TTC39B: variants seen among roughly 807,000 people sequenced by gnomAD.
TTC39B encodes the protein tetratricopeptide repeat domain 39B, also known as tetratricopeptide repeat protein 39B.
A neutral mutation model predicts 96.6 loss-of-function variants in TTC39B; 92 were observed. That is an observed-to-expected ratio of 0.95 (90% CI 0.80 to 1.13). The LOEUF (loss-of-function observed/expected upper bound fraction) is 1.13. Among genes scored for constraint, TTC39B ranks in the 50% most tolerant of loss-of-function variants. The probability of loss-of-function intolerance (pLI) is 0.00; values close to 1 mark genes in which losing one functional copy is unlikely to be tolerated. For missense variants in TTC39B, 955 were observed against 809.3 expected, an observed-to-expected ratio of 1.18 and a Z score of -2.18; for synonymous variants, 367 against 299.4, an observed-to-expected ratio of 1.23 and a Z score of -2.33.
chr9:15,239,501 T>C (rs1041007126), intron 2 of TTC39B, among the ~76,000 whole-genome samples: 2 of 152,168 alleles, frequency 1.3e-5, no homozygotes, highest in African/African-American at 4.8e-5. Flanking sequence ...AATAGCAAAG[T>C]CATAGAACCA....
At chr9:15,220,262 A>G (rs576184809) in intron 3 of TTC39B, among the ~76,000 whole-genome samples, 1 of 152,278 alleles carries the variant, frequency 6.6e-6, no homozygotes, top group East Asian at 1.9e-4. Context: ...TCTCAGGTCT[A>G]TTGATTCAGC....
exon 20 of TTC39B, chr9:15,164,248 A>T (rs1817480163): frequency 6.6e-6 from 1 of 152,256 alleles, no homozygotes; most frequent in Admixed American, 6.5e-5. Flanking sequence ...TGAGAAGAGA[A>T]AAAGATAAAA....
At chr9:15,181,465 C>A (rs1017067319) in intron 17 of TTC39B, among the ~76,000 whole-genome samples, 1 of 152,064 alleles carries the variant, frequency 6.6e-6, no homozygotes. Context: ...GCATCTGGTC[C>A]AACACTCCTC....
chr9:15,219,346 G>A (rs1239581998), intron 3 of TTC39B, among the ~76,000 whole-genome samples: 1 of 152,106 alleles, frequency 6.6e-6, no homozygotes, highest in Admixed American at 6.5e-5. Flanking sequence ...CCCCTGCTAA[G>A]AACCACATAT....
chr9:15,218,635 A>AAAAATATATATAT (rs374054306), intron 3 of TTC39B, among the ~76,000 whole-genome samples: 2 of 149,448 alleles, frequency 1.3e-5, no homozygotes, highest in African/African-American at 4.9e-5. Flanking sequence ...GTCTATTTTA[A>AAAAATATATATAT]ATATATATAT....
At chr9:15,259,171 C>A (rs867460921) in intron 2 of TTC39B, among the ~76,000 whole-genome samples, 6 of 152,158 alleles carry the variant, frequency 3.9e-5, no homozygotes, top group South Asian at 2.1e-4. Flanking sequence ...AAATTTTCAT[C>A]ATGGAATATC....
intron 7 of TTC39B, among the ~76,000 whole-genome samples, chr9:15,201,714 G>C (rs1819549618): frequency 6.6e-6 from 1 of 152,202 alleles, no homozygotes; most frequent in Admixed American, 6.5e-5. Flanking sequence ...TGCTACTCAA[G>C]TATGCAAACC....
At chr9:15,225,078 T>C (rs1056822114) in intron 3 of TTC39B, among the ~76,000 whole-genome samples, 8 of 151,970 alleles carry the variant, frequency 5.3e-5, no homozygotes, top group African/African-American at 1.9e-4. Context: ...CCTTAATAAC[T>C]CATAAAAAAA....
chr9:15,272,255 T>C (rs1043149624), intron 1 of TTC39B, among the ~76,000 whole-genome samples: 1 of 152,208 alleles, frequency 6.6e-6, no homozygotes, highest in African/African-American at 2.4e-5. Flanking sequence ...GTATTCTTCA[T>C]GTAGCAGAAC....
intron 15 of TTC39B, chr9:15,186,485 C>T (rs1213137943): frequency 6.5e-6 from 1 of 152,874 alleles, no homozygotes; most frequent in African/African-American, 2.4e-5. Flanking sequence ...AAAATGATCA[C>T]ATCTTTCACA....
At chr9:15,222,468 C>T (rs1820899324) in intron 3 of TTC39B, among the ~76,000 whole-genome samples, 1 of 152,162 alleles carries the variant, frequency 6.6e-6, no homozygotes, top group Non-Finnish European at 1.5e-5. Context: ...ATCCTACATT[C>T]TTTACTAACC....
intron 1 of TTC39B, among the ~76,000 whole-genome samples, chr9:15,296,759 A>C (rs575219096): frequency 7.0e-4 from 107 of 152,248 alleles, no homozygotes; most frequent in Middle Eastern, 6.8e-3. Context: ...GGCCTCCCAA[A>C]GTGCTGGGAT....
intron 7 of TTC39B, among the ~76,000 whole-genome samples, chr9:15,202,944 A>T (rs1819628387): frequency 6.6e-6 from 1 of 152,188 alleles, no homozygotes; most frequent in South Asian, 2.1e-4. Context: ...CAGAGGTGAA[A>T]TTAAAATGGA....
intron 1 of TTC39B, among the ~76,000 whole-genome samples, chr9:15,270,563 G>C (rs79955776): frequency 1.4e-5 from 2 of 146,936 alleles, no homozygotes; most frequent in African/African-American, 5.0e-5. Flanking sequence ...AAGAAGATAA[G>C]ACTAATATTT....
intron 1 of TTC39B, among the ~76,000 whole-genome samples, chr9:15,286,371 C>T (rs937483307): frequency 6.6e-6 from 1 of 152,214 alleles, no homozygotes; most frequent in Non-Finnish European, 1.5e-5. Flanking sequence ...TAGTATCTTC[C>T]TGTTCCTCAT....
intron 2 of TTC39B, among the ~76,000 whole-genome samples, chr9:15,233,289 G>A (rs1379825598): frequency 3.9e-5 from 6 of 152,116 alleles, no homozygotes; most frequent in Non-Finnish European, 7.4e-5. Flanking sequence ...CATGACACCG[G>A]AACACACGGC....
intron 1 of TTC39B, among the ~76,000 whole-genome samples, chr9:15,294,844 G>T (rs1251978761): frequency 6.6e-6 from 1 of 152,136 alleles, no homozygotes; most frequent in Non-Finnish European, 1.5e-5. Context: ...CAACTTCTGG[G>T]CCCCCCACGA....
intron 10 of TTC39B, among the ~76,000 whole-genome samples, chr9:15,190,981 T>A (rs568285425): frequency 6.6e-6 from 1 of 152,266 alleles, no homozygotes; most frequent in East Asian, 1.9e-4. Context: ...AGAATTTGGA[T>A]AACAAGGGTG....
At chr9:15,194,144 A>T (rs1034595064) in intron 8 of TTC39B, among the ~76,000 whole-genome samples, 6 of 152,168 alleles carry the variant, frequency 3.9e-5, no homozygotes, top group Non-Finnish European at 8.8e-5. Context: ...ACAATCTTCC[A>T]TACAAGTGAT....
Sources: gnomAD v4.1 joint callset for allele counts (sites outside exome capture counted in the v4.1 genomes callset) on GRCh38, gnomAD v4.1.1 for gene constraint, MANE v1.5 for transcripts, NCBI Gene and HGNC (gene_info 2026-07-23, HGNC 2026-07-21) for gene names.